The following SLC9C1 variants were observed in gnomAD, a reference collection of about 807,000 sequenced individuals.
SLC9C1 encodes the protein sodium/hydrogen exchanger 10.
SLC9C1 carries 97 observed loss-of-function variants against 140.9 expected under a neutral mutation model. The ratio of observed to expected loss-of-function variants is 0.69; its 90% CI spans 0.58 to 0.82. The LOEUF (loss-of-function observed/expected upper bound fraction) is 0.82. SLC9C1 is among the 40% of genes least tolerant of loss of function. SLC9C1 has a pLI of 0.00. For missense variants in SLC9C1, 1,340 were observed against 1,389.3 expected, an observed-to-expected ratio of 0.96 and a Z score of 0.56; for synonymous variants, 440 against 442.6, an observed-to-expected ratio of 0.99 and a Z score of 0.07.
At chr3:112,166,385 G>A (rs1232621105) in intron 26 of SLC9C1, among the ~76,000 whole-genome samples, 1 of 152,228 alleles carries the variant, frequency 6.6e-6, no homozygotes, top group Non-Finnish European at 1.5e-5. Context: ...GTAGATTGGA[G>A]TCTAGCATTT....
chr3:112,190,131 G>C (rs1175701861), intron 20 of SLC9C1, among the ~76,000 whole-genome samples: 3 of 152,100 alleles, frequency 2.0e-5, no homozygotes, highest in African/African-American at 7.2e-5. Context: ...AGGAGATTTT[G>C]GGCTGAGACG....
At chr3:112,286,907 T>G in intron 1 of SLC9C1, 29 bp from the exon 2 acceptor site, 2 of 564,024 alleles carry the variant, frequency 3.5e-6, no homozygotes. Context: ...GCCTTCTTGG[T>G]GGCCTTCTAA....
At chr3:112,161,452 G>A (rs1192730108) in intron 26 of SLC9C1, among the ~76,000 whole-genome samples, 1 of 152,296 alleles carries the variant, frequency 6.6e-6, no homozygotes, top group Admixed American at 6.5e-5. Context: ...TTTGTATAAG[G>A]TGTAAGGAAG....
intron 28 of SLC9C1, among the ~76,000 whole-genome samples, chr3:112,150,795 T>TAAAA (rs752526679): frequency 4.6e-5 from 2 of 43,382 alleles, no homozygotes; most frequent in African/African-American, 2.5e-4. Context: ...TACATATACA[T>TAAAA]ATATATATAT....
intron 20 of SLC9C1, among the ~76,000 whole-genome samples, chr3:112,191,537 A>C (rs1404996647): frequency 6.6e-6 from 1 of 152,182 alleles, no homozygotes; most frequent in Non-Finnish European, 1.5e-5. Context: ...CTCAGAAATA[A>C]ATCCCACTTT....
chr3:112,188,819 A>T (rs2077590308), intron 20 of SLC9C1, among the ~76,000 whole-genome samples: 1 of 152,228 alleles, frequency 6.6e-6, no homozygotes, highest in Non-Finnish European at 1.5e-5. Flanking sequence ...ACTGTCTTCC[A>T]CAATGGTTGA....
chr3:112,190,928 A>AATACAC (rs2077645384), intron 20 of SLC9C1, among the ~76,000 whole-genome samples: 2 of 138,682 alleles, frequency 1.4e-5, no homozygotes, highest in Admixed American at 7.1e-5. Flanking sequence ...ACTTTTTTTA[A>AATACAC]ACACACACAC....
intron 15 of SLC9C1, among the ~76,000 whole-genome samples, chr3:112,216,774 A>G (rs148947679): frequency 0.023 from 3,560 of 152,326 alleles, 133 homozygotes; most frequent in African/African-American, 0.081. Context: ...AACCGAGTTC[A>G]ACCATTGTGG....
chr3:112,193,807 G>A (rs139895217), intron 20 of SLC9C1, among the ~76,000 whole-genome samples: 47 of 152,154 alleles, frequency 3.1e-4, no homozygotes, highest in Admixed American at 1.6e-3. Flanking sequence ...TTCAACAGAG[G>A]TTTTGTCCTG....
chr3:112,216,430 T>C (rs1286651552), intron 15 of SLC9C1, among the ~76,000 whole-genome samples: 1 of 151,916 alleles, frequency 6.6e-6, no homozygotes, highest in Admixed American at 6.6e-5. Context: ...ACCTACAGAA[T>C]GGGAGAAAAT....
chr3:112,175,225 G>A (rs931561562), intron 23 of SLC9C1, among the ~76,000 whole-genome samples: 81 of 152,280 alleles, frequency 5.3e-4, no homozygotes, highest in African/African-American at 1.8e-3. Flanking sequence ...CTGGGTGTCC[G>A]CTCCAGTCCC....
chr3:112,176,569 C>A (rs762278825), intron 23 of SLC9C1, among the ~76,000 whole-genome samples: 14 of 152,190 alleles, frequency 9.2e-5, no homozygotes, highest in Non-Finnish European at 1.9e-4. Context: ...TACTATAGAT[C>A]ACAATTTCAT....
chr3:112,192,035 A>C (rs1043348802), intron 20 of SLC9C1, among the ~76,000 whole-genome samples: 1 of 150,122 alleles, frequency 6.7e-6, no homozygotes, highest in African/African-American at 2.4e-5. Context: ...TATTTAGTAG[A>C]GCAAACATCC....
intron 5 of SLC9C1, among the ~76,000 whole-genome samples, chr3:112,276,833 TAA>T (rs1445511136): frequency 1.3e-5 from 2 of 152,118 alleles, no homozygotes; most frequent in Non-Finnish European, 2.9e-5. Context: ...CATCTTCTTC[TAA>T]AGTGTTATCT....
intron 13 of SLC9C1, among the ~76,000 whole-genome samples, chr3:112,229,433 T>C (rs1421652068): frequency 6.6e-6 from 1 of 152,126 alleles, no homozygotes; most frequent in African/African-American, 2.4e-5. Context: ...GAATATTACA[T>C]TGTGCCTCAT....
At chr3:112,225,159 G>A (rs1204291308) in intron 13 of SLC9C1, among the ~76,000 whole-genome samples, 3 of 152,166 alleles carry the variant, frequency 2.0e-5, no homozygotes, top group East Asian at 3.9e-4. Context: ...ACATATAAAG[G>A]AATCTCCATT....
chr3:112,240,644 A>T (rs2079115469), intron 11 of SLC9C1, among the ~76,000 whole-genome samples: 1 of 152,222 alleles, frequency 6.6e-6, no homozygotes, highest in Non-Finnish European at 1.5e-5. Context: ...AACTTGTACC[A>T]TTGGCTCTTG....
At position 112,231,468 on chromosome 3, in the gene SLC9C1, T is replaced by C. The variant is rs1368387937; in HGVS notation, c.1465A>G (p.Thr489Ala). Residue 489 changes from threonine to alanine, a missense_variant, in exon 13 of 29, where the codon ACA (threonine) becomes GCA (alanine). Transcript: ENST00000305815. ...GGACATTTCACCTTCTGATGTTCTG[T>C]TGTTTCTTCTTCGTTCAACTAAATA... ...NPYMLNEEET[T>A]EHQKVKCPHC... 7.4e-6 allele frequency: 12 copies of C among 1,611,426 alleles called. No homozygotes were observed. The highest frequency in any genetic ancestry group is 1.1e-5 in the South Asian group (1 of 90,704).
chr3:112,282,385 C>G (rs1296774302), intron 2 of SLC9C1, among the ~76,000 whole-genome samples: 2 of 152,052 alleles, frequency 1.3e-5, no homozygotes, highest in Non-Finnish European at 2.9e-5. Flanking sequence ...TGTTGACTTT[C>G]TGTAGTGCCA....
Sources: gnomAD v4.1 joint callset for allele counts (sites outside exome capture counted in the v4.1 genomes callset) on GRCh38, gnomAD v4.1.1 for gene constraint, MANE v1.5 for transcripts, NCBI Gene and HGNC (gene_info 2026-07-23, HGNC 2026-07-21) for gene names.